OR51B5: variants seen among roughly 807,000 people sequenced by gnomAD.
The protein encoded by OR51B5 is olfactory receptor 51B5.
For missense variants in OR51B5, 456 were observed against 374.6 expected (o/e 1.22, Z -1.79); for synonymous variants, 186 against 144.8 (o/e 1.28, Z -2.04).
At chr11:5,446,809 T>G (rs907262762) in intron 1 of OR51B5, among the ~76,000 whole-genome samples, 3 of 152,210 alleles carry the variant, frequency 2.0e-5, no homozygotes, top group African/African-American at 7.2e-5. Context: ...TAATAGAGTG[T>G]GATCACTGCC....
In OR51B5 at chr11:5,402,747, G is replaced by A. The variant is rs77173896; in HGVS notation, n.85-55837C>T. 1,579 of 471,338 alleles carry A rather than the reference G, an allele frequency of 3.4e-3. 7 individuals are homozygous for A. Among genetic ancestry groups the A allele is most frequent in the Non-Finnish European group, 4.6e-3 (1,047 of 227,098 alleles). 29.2% of individuals were successfully genotyped at this position (471,338 alleles called of 1,614,324 possible). On this transcript the variant is annotated intron_variant and non_coding_transcript_variant, in intron 1 of 4. Coordinates refer to the OR51B5 transcript ENST00000415970. ...CCTTGGGAATGGCATCATTCTTCAC[G>A]TCATCAGAACAGATATTGCCCTACA... is the stretch of plus-strand genomic sequence containing the variant.
At chr11:5,428,456 G>A (rs760374356) in intron 1 of OR51B5, among the ~76,000 whole-genome samples, 1 of 152,142 alleles carries the variant, frequency 6.6e-6, no homozygotes, top group Non-Finnish European at 1.5e-5. Context: ...AGATAGACTT[G>A]CTCAACATAG....
chr11:5,395,799 C>G (rs113043372), intron 1 of OR51B5, among the ~76,000 whole-genome samples: 2,026 of 152,282 alleles, frequency 0.013, 42 homozygotes, highest in African/African-American at 0.046. Flanking sequence ...TGTGCAAGAG[C>G]TCATGGCTTC....
chr11:5,416,665 C>G (rs1480579649), intron 1 of OR51B5, among the ~76,000 whole-genome samples: 6 of 145,498 alleles, frequency 4.1e-5, no homozygotes, highest in Admixed American at 1.4e-4. Flanking sequence ...CATGAGTGAA[C>G]TCCCATTCAC....
chr11:5,422,410 G>A (rs747607216), intron 1 of OR51B5: 1 of 1,614,162 alleles, frequency 6.2e-7, no homozygotes, highest in Non-Finnish European at 8.5e-7. Flanking sequence ...TGCTGGCCCT[G>A]ACGGACCTGG....
intron 1 of OR51B5, among the ~76,000 whole-genome samples, chr11:5,414,858 T>A (rs183496106): frequency 6.6e-6 from 1 of 152,146 alleles, no homozygotes; most frequent in Non-Finnish European, 1.5e-5. Flanking sequence ...CAACATTAGA[T>A]AGATCAACGA....
At chr11:5,401,948 C>T (rs1401128824) in intron 1 of OR51B5, among the ~76,000 whole-genome samples, 10 of 144,430 alleles carry the variant, frequency 6.9e-5, no homozygotes, top group African/African-American at 2.6e-4. Flanking sequence ...TTATTCTTTC[C>T]TCTCTTCTTT....
intron 1 of OR51B5, among the ~76,000 whole-genome samples, chr11:5,416,209 T>A (rs1413181994): frequency 7.1e-6 from 1 of 141,426 alleles, no homozygotes; most frequent in Non-Finnish European, 1.6e-5. Context: ...AGAAAAGGCC[T>A]TTGACAAAAT....
At chr11:5,439,025 G>A (rs916480140) in intron 1 of OR51B5, among the ~76,000 whole-genome samples, 1 of 152,128 alleles carries the variant, frequency 6.6e-6, no homozygotes, top group Admixed American at 6.6e-5. Flanking sequence ...TGTGTACAGT[G>A]AAGTTCCATT....
intron 1 of OR51B5, chr11:5,505,250 GTTTT>G (rs1310708680): frequency 2.5e-6 from 3 of 1,197,446 alleles, no homozygotes; most frequent in East Asian, 1.2e-4. Context: ...TTGCTATTAG[GTTTT>G]TTGTTTTTTT....
At position 5,426,677 on chromosome 11, in the gene OR51B5, G is replaced by A. The variant is rs80277285; in HGVS notation, n.84+78892C>T. Among the ~76,000 whole-genome samples, 845 of 152,200 alleles carry A rather than the reference G, an allele frequency of 5.6e-3. 6 individuals are homozygous for A. Among genetic ancestry groups the A allele is most frequent in the Middle Eastern group, 0.021 (6 of 292 alleles). ...ACAGTATAGTTTTTTGGCATGTTGA[G>A]TGCTTTAAATTAAACAAAACTGAAA... On this transcript the variant is annotated intron_variant and non_coding_transcript_variant, in intron 1 of 4. Coordinates refer to the OR51B5 transcript ENST00000415970.
At chr11:5,497,097 T>G (rs182078156) in intron 1 of OR51B5, among the ~76,000 whole-genome samples, 3 of 151,882 alleles carry the variant, frequency 2.0e-5, no homozygotes, top group Non-Finnish European at 4.4e-5. Context: ...GAGAAGGAAT[T>G]CTTTGATCTT....
At chr11:5,486,819 A>G (rs1315866926) in intron 1 of OR51B5, among the ~76,000 whole-genome samples, 1 of 152,124 alleles carries the variant, frequency 6.6e-6, no homozygotes, top group Admixed American at 6.6e-5. Flanking sequence ...GTCATCAGTT[A>G]TCTTTACTGC....
intron 1 of OR51B5, among the ~76,000 whole-genome samples, chr11:5,479,395 T>C (rs7111996): frequency 0.96 from 144,003 of 150,716 alleles, 68,850 homozygotes; most frequent in South Asian, 0.99. Context: ...CGGTACCAGC[T>C]GCTGCAAAAT....
intron 1 of OR51B5, among the ~76,000 whole-genome samples, chr11:5,425,339 A>C (rs1319752800): frequency 6.6e-6 from 1 of 152,214 alleles, no homozygotes; most frequent in Non-Finnish European, 1.5e-5. Flanking sequence ...GGCTACCATA[A>C]ATAATGTCTT....
At chr11:5,369,018 C>G (rs1384779470) in intron 1 of OR51B5, among the ~76,000 whole-genome samples, 1 of 152,088 alleles carries the variant, frequency 6.6e-6, no homozygotes, top group Non-Finnish European at 1.5e-5. Context: ...AGTTTTTAGC[C>G]TCCTTCTGGG....
exon 1 of OR51B5, chr11:5,342,770 G>A (rs1463274132): frequency 2.5e-6 from 4 of 1,613,632 alleles, no homozygotes; most frequent in Non-Finnish European, 3.4e-6. Flanking sequence ...TCCAATCACT[G>A]TGACATAAAA....
At chr11:5,473,992 A>G (rs1851268149) in intron 1 of OR51B5, among the ~76,000 whole-genome samples, 1 of 152,072 alleles carries the variant, frequency 6.6e-6, no homozygotes, top group Non-Finnish European at 1.5e-5. Context: ...TTCCATCACA[A>G]GACATCAGAA....
chr11:5,422,794 CTGGTA>C, intron 1 of OR51B5: 3 of 1,614,156 alleles, frequency 1.9e-6, no homozygotes, highest in Non-Finnish European at 2.5e-6. Context: ...GGCTCAACAG[CTGGTA>C]TGGATTTGCT....
Sources: gnomAD v4.1 joint callset for allele counts (sites outside exome capture counted in the v4.1 genomes callset) on GRCh38, gnomAD v4.1.1 for gene constraint, MANE v1.5 for transcripts, NCBI Gene and HGNC (gene_info 2026-07-23, HGNC 2026-07-21) for gene names.